ADGRG4: variants seen among roughly 807,000 people sequenced by gnomAD.
ADGRG4 encodes the protein G protein-coupled receptor 112.
Under a neutral mutation model 126.2 loss-of-function variants are expected in ADGRG4, and 122 were observed. That is an observed-to-expected ratio of 0.97 (90% CI 0.83 to 1.12). The LOEUF is 1.12. ADGRG4 is among the 50% of genes most tolerant of loss of function. The pLI is 0.00. For synonymous variants in ADGRG4, 943 were observed against 838.7 expected (o/e 1.12, Z -2.15); for missense variants, 2,481 against 2,251.8 (o/e 1.10, Z -2.06).
At chrX:136,333,446 G>C (rs977775629) in intron 5 of ADGRG4, among the ~76,000 whole-genome samples, 1 of 109,633 alleles carries the variant, frequency 9.1e-6, no homozygotes, top group African/African-American at 3.3e-5. Flanking sequence ...TTTTTTGTTG[G>C]GTATATCTTT....
intron 15 of ADGRG4, among the ~76,000 whole-genome samples, chrX:136,374,946 T>C (rs1712876652): frequency 9.0e-6 from 1 of 110,962 alleles, no homozygotes; most frequent in African/African-American, 3.3e-5. Flanking sequence ...ATAATTTGTT[T>C]AGTAGTGATT....
At chrX:136,313,740 A>G in intron 4 of ADGRG4, among the ~76,000 whole-genome samples, 1 of 111,750 alleles carries the variant, frequency 8.9e-6, no homozygotes, top group East Asian at 2.8e-4. Context: ...GGTCTGAAAC[A>G]GTTTTCCCCA....
chrX:136,410,597 C>A (rs755251230), intron 23 of ADGRG4, among the ~76,000 whole-genome samples: 1 of 111,880 alleles, frequency 8.9e-6, no homozygotes, highest in East Asian at 2.8e-4. Context: ...ATAAAGGTTT[C>A]CAAACTGCAC....
chrX:136,370,863 C>A (rs1286331567), intron 13 of ADGRG4, among the ~76,000 whole-genome samples: 2 of 111,346 alleles, frequency 1.8e-5, no homozygotes, highest in Non-Finnish European at 3.8e-5. Context: ...AAATTAACTG[C>A]TTTTTATTAT....
At chrX:136,397,169 G>A (rs938483332) in intron 19 of ADGRG4, among the ~76,000 whole-genome samples, 4 of 111,074 alleles carry the variant, frequency 3.6e-5, no homozygotes, top group African/African-American at 1.3e-4. Flanking sequence ...CCCACTAGAT[G>A]CCAGTAGCAC....
chrX:136,360,438 G>A (rs1047156544), intron 11 of ADGRG4, among the ~76,000 whole-genome samples: 2 of 111,251 alleles, frequency 1.8e-5, no homozygotes, highest in Non-Finnish European at 3.8e-5. Flanking sequence ...CTGTCCCTCA[G>A]CAACATCAAA....
intron 21 of ADGRG4, among the ~76,000 whole-genome samples, chrX:136,400,425 C>G (rs919920104): frequency 8.9e-6 from 1 of 112,200 alleles, no homozygotes; most frequent in Non-Finnish European, 1.9e-5. Flanking sequence ...ACTGATAAAA[C>G]AGCTAACACT....
chrX:136,383,844 T>TTCTC (rs1161436849), intron 15 of ADGRG4, among the ~76,000 whole-genome samples: 1 of 93,056 alleles, frequency 1.1e-5, no homozygotes, highest in African/African-American at 3.9e-5. Context: ...CTTTCTTTCT[T>TTCTC]TCTTTCTTTC....
intron 16 of ADGRG4, among the ~76,000 whole-genome samples, chrX:136,389,237 A>G (rs2075307052): frequency 9.0e-6 from 1 of 111,702 alleles, no homozygotes; most frequent in African/African-American, 3.3e-5. Context: ...TCCTGGGCAA[A>G]ATATTTAGTG....
intron 8 of ADGRG4, among the ~76,000 whole-genome samples, chrX:136,355,442 G>A (rs2075087665): frequency 9.0e-6 from 1 of 111,095 alleles, no homozygotes; most frequent in African/African-American, 3.3e-5. Context: ...ATGTCTGGGG[G>A]TATAAAACAT....
intron 24 of ADGRG4, among the ~76,000 whole-genome samples, chrX:136,413,571 G>A (rs2075458678): frequency 9.0e-6 from 1 of 111,046 alleles, no homozygotes; most frequent in South Asian, 3.8e-4. Context: ...GCAACCTGCT[G>A]GTCCTTGTGC....
chrX:136,348,150 T>A lies in ADGRG4; in HGVS notation c.4444T>A (p.Ser1482Thr), dbSNP rs1309450950. 1 of 1,209,294 alleles carries A rather than the reference T, an allele frequency of 8.3e-7. No homozygotes were observed. Among genetic ancestry groups the A allele is most frequent in the African/African-American group, 1.7e-5 (1 of 57,646 alleles). The change falls in exon 6 of 26, where the codon TCC becomes ACC. Residue 1482 changes from serine (S) to threonine (T), a missense_variant. Ser to Thr is a moderately conservative substitution (Grantham distance 58). Coordinates refer to ENST00000394143, the MANE Select transcript of ADGRG4 (RefSeq NM_153834.4). ...ATATAATGACGGTTTTACAGTTCTCTCCGACAGGATCACTACAGCCTTTTC... is the reference window on the plus strand; with the variant it reads ...ATATAATGACGGTTTTACAGTTCTCACCGACAGGATCACTACAGCCTTTTC... ...GLYNDGFTVL[S>T]DRITTAFSVP...
At chrX:136,377,590 G>A (rs1006392682) in intron 15 of ADGRG4, among the ~76,000 whole-genome samples, 2 of 111,838 alleles carry the variant, frequency 1.8e-5, no homozygotes, top group Non-Finnish European at 3.8e-5. Context: ...CTATCAGGAA[G>A]CCATGAAGAC....
rs191481646 is a variant in ADGRG4 at position 136,312,906 on chromosome X, C to T, written c.70+4059C>T. Among the ~76,000 whole-genome samples, 22 of 112,038 alleles carry T rather than the reference C, an allele frequency of 2.0e-4. No homozygotes were observed. The East Asian group carries it at 4.2e-3, about 21-fold the overall frequency. ...GACGTTTCAGGTAAATGGAATCATA[C>T]GATATGCAGCCTTTTGTGACTGGCT... is the stretch of plus-strand genomic sequence containing the variant. On this transcript the variant is annotated intron_variant, in intron 4 of 25. Transcript: ENST00000394143.
chrX:136,391,366 T>C (rs1349851562), intron 16 of ADGRG4, among the ~76,000 whole-genome samples: 1 of 111,501 alleles, frequency 9.0e-6, no homozygotes, highest in East Asian at 2.8e-4. Context: ...CTCAGCTGAC[T>C]TGCATCCTGG....
chrX:136,336,251 G>A (rs2074947736), intron 5 of ADGRG4, among the ~76,000 whole-genome samples: 1 of 110,946 alleles, frequency 9.0e-6, no homozygotes, highest in African/African-American at 3.3e-5. Flanking sequence ...TTTAAATGAG[G>A]TTTGTTTTAT....
At chrX:136,390,658 A>G (rs2075314910) in intron 16 of ADGRG4, among the ~76,000 whole-genome samples, 1 of 111,988 alleles carries the variant, frequency 8.9e-6, no homozygotes, top group Non-Finnish European at 1.9e-5. Context: ...GGTGTAACAG[A>G]TAAAACTTGA....
chrX:136,400,088 T>C lies in ADGRG4; in HGVS notation c.8547T>C (p.Tyr2849=). Residue 2849 remains tyrosine, a synonymous_variant, in exon 21 of 26, where the codon TAT becomes TAC. Coordinates refer to ENST00000394143, the MANE Select transcript of ADGRG4 (RefSeq NM_153834.4). ...TCTTCAACATATACATTCCAAATTA[T>C]ATCCTTAAATTTTGTCTAGTTGGTT... ...VKVFNIYIPN[Y]ILKFCLVGWG... is the part of the protein sequence containing the mutation. The C allele has an allele frequency of 8.3e-7, 1 of 1,201,431 alleles. No individual in the cohort carries two copies. The highest frequency in any genetic ancestry group is 1.1e-6 in the Non-Finnish European group (1 of 886,427).
At position 136,349,048 on chromosome X, in the gene ADGRG4, C is replaced by T. The variant is rs2075040641; in HGVS notation, c.5342C>T (p.Thr1781Ile). The stretch of plus-strand genomic sequence containing the variant: ...AGCTTTAAGAGTGCTTCTGGACCCA[C>T]AAAAAATGTTAAAACAACCACCAAT... Reference protein sequence around the residue: ...LTSFKSASGPTKNVKTTTNCF... With the variant: ...LTSFKSASGPIKNVKTTTNCF... Residue 1781 changes from threonine to isoleucine, a missense_variant, in exon 6 of 26, where the codon ACA becomes ATA. Transcript: ENST00000394143. The T allele has an allele frequency of 3.3e-6, 4 of 1,206,007 alleles. No individual in the cohort carries two copies. The highest frequency in any genetic ancestry group is 4.5e-6 in the Non-Finnish European group (4 of 892,121).
Sources: allele counts gnomAD v4.1 joint callset (sites outside exome capture counted in the v4.1 genomes callset), GRCh38; gene constraint gnomAD v4.1.1; transcripts MANE v1.5; gene names NCBI Gene and HGNC (gene_info 2026-07-23, HGNC 2026-07-21).